The following PTGER3 variants were observed in gnomAD, a reference collection of about 807,000 sequenced individuals.
The protein encoded by PTGER3 is prostaglandin E receptor 3.
Under a neutral mutation model 34.7 loss-of-function variants are expected in PTGER3, and 22 were observed. That is an observed-to-expected ratio of 0.63 (90% CI 0.45 to 0.91). PTGER3 has a LOEUF of 0.91. PTGER3 is among the 40% of genes least tolerant of loss of function. PTGER3 has a pLI of 0.00. For synonymous variants in PTGER3, 241 were observed against 230.1 expected, an observed-to-expected ratio of 1.05 and a Z score of -0.43; for missense variants, 468 against 519.4, an observed-to-expected ratio of 0.90 and a Z score of 0.96.
chr1:70,861,823 CTCATT>C (rs1366169273), intron 4 of PTGER3, among the ~76,000 whole-genome samples: 3 of 152,060 alleles, frequency 2.0e-5, no homozygotes, highest in Non-Finnish European at 4.4e-5. Context: ...AAAGCAAACT[CTCATT>C]TCTTAACATT....
At chr1:71,007,095 AG>A in intron 2 of PTGER3, 3 of 984,818 alleles carry the variant, frequency 3.0e-6, no homozygotes, top group Non-Finnish European at 3.6e-6. Flanking sequence ...GTGATAAAAG[AG>A]ACTTTTCCAT....
At chr1:71,007,609 C>T in intron 2 of PTGER3, 2 of 985,304 alleles carry the variant, frequency 2.0e-6, no homozygotes, top group African/African-American at 1.7e-5. Flanking sequence ...ATGTTCTCTG[C>T]CCCACCCACA....
At chr1:70,988,280 A>G (rs1245827066) in intron 2 of PTGER3, among the ~76,000 whole-genome samples, 1 of 152,214 alleles carries the variant, frequency 6.6e-6, no homozygotes, top group Non-Finnish European at 1.5e-5. Flanking sequence ...AAGTCATGCA[A>G]TATGGGTACA....
chr1:70,950,775 T>G (rs1173721681), downstream of PTGER3: 1 of 152,180 alleles, frequency 6.6e-6, no homozygotes, highest in East Asian at 1.9e-4. Context: ...CTTGGCTCAC[T>G]GCAACCTCCA....
At chr1:70,935,935 C>T (rs1649183494) in intron 4 of PTGER3, among the ~76,000 whole-genome samples, 1 of 151,980 alleles carries the variant, frequency 6.6e-6, no homozygotes, top group Non-Finnish European at 1.5e-5. Context: ...AATGCATGGT[C>T]TTTTCACAGG....
chr1:70,977,987 A>G (rs1374297352), intron 2 of PTGER3, among the ~76,000 whole-genome samples: 1 of 152,070 alleles, frequency 6.6e-6, no homozygotes, highest in Non-Finnish European at 1.5e-5. Context: ...ACAAATAATA[A>G]TTCATTTAAT....
intron 4 of PTGER3, among the ~76,000 whole-genome samples, chr1:70,876,853 T>G (rs1397721585): frequency 3.3e-5 from 5 of 152,222 alleles, no homozygotes; most frequent in Non-Finnish European, 5.9e-5. Context: ...TTTTGATTAC[T>G]GTAGCCTTGT....
intron 4 of PTGER3, among the ~76,000 whole-genome samples, chr1:70,941,783 A>G (rs1316651657): frequency 6.6e-6 from 1 of 152,166 alleles, no homozygotes; most frequent in African/African-American, 2.4e-5. Context: ...CACTGCCTTA[A>G]TTCAGAATCA....
chr1:70,938,111 G>C (rs1359390629), intron 4 of PTGER3, among the ~76,000 whole-genome samples: 1 of 152,098 alleles, frequency 6.6e-6, no homozygotes, highest in Non-Finnish European at 1.5e-5. Flanking sequence ...TTGGTGGGGG[G>C]TGGGAGGTGT....
chr1:71,017,886 T>A (rs1465496982), intron 1 of PTGER3, among the ~76,000 whole-genome samples: 2 of 152,180 alleles, frequency 1.3e-5, no homozygotes, highest in African/African-American at 2.4e-5. Flanking sequence ...TGCCTCAGAC[T>A]CCCAAGTAGC....
chr1:70,852,369 A>G (rs1191432513), exon 5 of PTGER3: 1 of 162,560 alleles, frequency 6.2e-6, no homozygotes, highest in Non-Finnish European at 1.3e-5. Flanking sequence ...GTATGAATGT[A>G]ATTTTTATTT....
chr1:70,886,390 C>T (rs1646500082), intron 4 of PTGER3: 1 of 391,840 alleles, frequency 2.6e-6, no homozygotes, highest in African/African-American at 2.1e-5. Context: ...TTATAGCTTC[C>T]CAAACTGACC....
intron 1 of PTGER3, among the ~76,000 whole-genome samples, chr1:71,029,008 C>T (rs1659178741): frequency 6.6e-6 from 1 of 152,086 alleles, no homozygotes; most frequent in South Asian, 2.1e-4. Context: ...GGCCTTAAAG[C>T]AAGTTGCTTA....
At chr1:71,007,065 C>G (rs1227372567) in intron 2 of PTGER3, 4 of 984,798 alleles carry the variant, frequency 4.1e-6, no homozygotes, top group East Asian at 2.3e-4. Context: ...CGATAACTAC[C>G]CATAAAACTT....
intron 4 of PTGER3, among the ~76,000 whole-genome samples, chr1:70,886,026 T>C (rs1646490800): frequency 6.6e-6 from 1 of 152,216 alleles, no homozygotes; most frequent in South Asian, 2.1e-4. Flanking sequence ...CAGAGATTGC[T>C]AAAGACTGCA....
intron 1 of PTGER3, among the ~76,000 whole-genome samples, chr1:71,036,358 A>G (rs1244264591): frequency 6.6e-6 from 1 of 152,158 alleles, no homozygotes; most frequent in Non-Finnish European, 1.5e-5. Flanking sequence ...AAGAAAACTT[A>G]GAGAAAGGGA....
chr1:70,936,743 T>A (rs1649269510), intron 4 of PTGER3, among the ~76,000 whole-genome samples: 1 of 152,180 alleles, frequency 6.6e-6, no homozygotes, highest in South Asian at 2.1e-4. Flanking sequence ...AATTCATACT[T>A]CTCTGTAGTG....
intron 4 of PTGER3, among the ~76,000 whole-genome samples, chr1:70,924,861 C>T (rs1297612481): frequency 6.6e-6 from 1 of 152,102 alleles, no homozygotes; most frequent in Non-Finnish European, 1.5e-5. Context: ...TCCAAGAACC[C>T]TCTCTTGGGG....
At chr1:70,930,495 C>T (rs1648580889) in intron 4 of PTGER3, among the ~76,000 whole-genome samples, 1 of 152,154 alleles carries the variant, frequency 6.6e-6, no homozygotes, top group African/African-American at 2.4e-5. Flanking sequence ...TTGTTTTCCT[C>T]TTGTATTAGT....
Sources: allele counts gnomAD v4.1 joint callset (sites outside exome capture counted in the v4.1 genomes callset), GRCh38; gene constraint gnomAD v4.1.1; transcripts MANE v1.5; gene names NCBI Gene and HGNC (gene_info 2026-07-23, HGNC 2026-07-21).